The following RSL1D1 variants were observed in gnomAD, a reference collection of about 807,000 sequenced individuals.
RSL1D1 encodes the protein ribosomal L1 domain-containing protein 1.
A neutral mutation model predicts 44.6 loss-of-function variants in RSL1D1; 34 were observed. The observed-to-expected ratio is 0.76, with a 90% CI of 0.58 to 1.02. The LOEUF is 1.02. Among genes scored for constraint, RSL1D1 ranks in the 50% least tolerant of loss-of-function variants. The pLI, the probability that RSL1D1 is intolerant of heterozygous loss-of-function variation, is 0.00. For synonymous variants in RSL1D1, 271 were observed against 207.4 expected, an observed-to-expected ratio of 1.31 and a Z score of -2.63; for missense variants, 767 against 568.1, an observed-to-expected ratio of 1.35 and a Z score of -3.56.
chr16:11,842,060 G>A (rs1463584197), intron 5 of RSL1D1, 60 bp from the exon 6 acceptor site: 6 of 1,183,490 alleles, frequency 5.1e-6, no homozygotes, highest in Non-Finnish European at 7.3e-6. Context: ...AATAAACCAG[G>A]CAGGTATATG....
intron 5 of RSL1D1, among the ~76,000 whole-genome samples, chr16:11,842,677 A>G (rs185642645): frequency 6.6e-6 from 1 of 151,932 alleles, no homozygotes; most frequent in East Asian, 1.9e-4. Context: ...CCCAGCCTAA[A>G]TATGTTTTAA....
At chr16:11,846,893 G>A (rs2053802867) in intron 3 of RSL1D1, 50 bp from the exon 4 acceptor site, 5 of 1,493,230 alleles carry the variant, frequency 3.3e-6, no homozygotes, top group Non-Finnish European at 1.8e-6. Flanking sequence ...ATCTAAACAA[G>A]GAGAAGAAAT....
chr16:11,838,869 C>A (rs8053248), intron 8 of RSL1D1, among the ~76,000 whole-genome samples: 96,881 of 137,540 alleles, frequency 0.7, 34,622 homozygotes, highest in African/African-American at 0.88. Flanking sequence ...AAAAAAAAAA[C>A]AAAAAAAAAC....
intron 7 of RSL1D1, among the ~76,000 whole-genome samples, chr16:11,840,974 T>C (rs1404551550): frequency 6.6e-6 from 1 of 152,230 alleles, no homozygotes; most frequent in African/African-American, 2.4e-5. Flanking sequence ...CAATTCCTTT[T>C]ATTACTGTTT....
Position 11,837,715 on chromosome 16 carries a change from G to A in RSL1D1, c.*72C>T, listed in dbSNP as rs1045420236. On this transcript the variant is annotated 3_prime_UTR_variant, in exon 9 of 9. Coordinates refer to ENST00000571133, the MANE Select transcript of RSL1D1 (RefSeq NM_015659.3). The stretch of plus-strand genomic sequence containing the variant: ...GACGTTTAGAGAAGGTTACAAAGGC[G>A]GCCAGGATCTGAGTATTTCCAAAAA... 29 of 1,333,800 alleles carry A rather than the reference G, an allele frequency of 2.2e-5. No homozygotes were observed. The highest frequency in any genetic ancestry group is 1.3e-4 in the African/African-American group (9 of 67,648). The allele number at this position is 1,333,800 out of a possible 1,614,324, so 82.6% of individuals were successfully genotyped here. A position where few individuals can be genotyped will look rare whatever the true frequency, so the allele number is the denominator to read the frequency against.
In RSL1D1 at chr16:11,851,518, T is replaced by A; in HGVS notation, c.-6A>T. The A allele has an allele frequency of 1.2e-6, 2 of 1,613,156 alleles. No individual in the cohort carries two copies. Among genetic ancestry groups the A allele is most frequent in the Non-Finnish European group, 1.7e-6 (2 of 1,179,842 alleles). On this transcript the variant is annotated 5_prime_UTR_variant, in exon 1 of 9. Coordinates refer to ENST00000571133, the MANE Select transcript of RSL1D1 (RefSeq NM_015659.3). ...GCCGAGGCCGAATCCTCCATCTTGT[T>A]TCCACCTCGTGAAGAGGCGCGTGTG...
chr16:11,842,686 A>T (rs1334564346), intron 5 of RSL1D1, among the ~76,000 whole-genome samples: 2 of 151,998 alleles, frequency 1.3e-5, no homozygotes, highest in Admixed American at 1.3e-4. Context: ...AATATGTTTT[A>T]AAGGAAGATT....
intron 5 of RSL1D1, among the ~76,000 whole-genome samples, chr16:11,846,207 T>A (rs960165683): frequency 3.3e-5 from 5 of 151,124 alleles, no homozygotes; most frequent in East Asian, 2.0e-4. Context: ...CCTGGCTAAC[T>A]CGGTGAAACC....
rs755698397 is a variant in RSL1D1 at position 11,851,527 on chromosome 16, G to A, written c.-15C>T. ...GAATCCTCCATCTTGTTTCCACCTC[G>A]TGAAGAGGCGCGTGTGCAACCCCAC... On this transcript the variant is annotated 5_prime_UTR_variant, in exon 1 of 9. The change creates a new upstream start codon in the 5' untranslated region. Coordinates refer to ENST00000571133, the MANE Select transcript of RSL1D1 (RefSeq NM_015659.3). The A allele has an allele frequency of 1.9e-6, 3 of 1,611,566 alleles. No homozygotes were observed. The highest frequency in any genetic ancestry group is 2.2e-5 in the South Asian group (2 of 90,914).
At chr16:11,849,917 T>C (rs1355032580) in intron 2 of RSL1D1, among the ~76,000 whole-genome samples, 1 of 152,172 alleles carries the variant, frequency 6.6e-6, no homozygotes, top group Non-Finnish European at 1.5e-5. Context: ...AATGGAGACA[T>C]CTCCGCTCAC....
At position 11,837,878 on chromosome 16, in the gene RSL1D1, T is replaced by G; in HGVS notation, c.1382A>C (p.Lys461Thr). The change falls in exon 9 of 9, where the codon AAG becomes ACG. Residue 461 changes from lysine to threonine, a missense_variant. Lys to Thr is a moderately conservative substitution (Grantham distance 78). Transcript: ENST00000571133. ...AGATTTACTAGGAGTGGTGAAAAAC[T>G]TGGCCTCTGGCTTTTTTGGAGTCTG... is the stretch of plus-strand genomic sequence containing the variant. ...ARQTPKKPEAKFFTTPSKSVR... is the reference protein window; with the variant it reads ...ARQTPKKPEATFFTTPSKSVR... 1 of 1,614,134 alleles carries G rather than the reference T, an allele frequency of 6.2e-7. No homozygotes were observed. The highest frequency in any genetic ancestry group is 1.1e-5 in the South Asian group (1 of 91,088).
chr16:11,846,900 A>G (rs1348753332), intron 3 of RSL1D1, 57 bp from the exon 4 acceptor site: 3 of 1,444,436 alleles, frequency 2.1e-6, no homozygotes, highest in African/African-American at 1.4e-5. Flanking sequence ...CAAGGAGAAG[A>G]AATACTTAGG....
intron 5 of RSL1D1, among the ~76,000 whole-genome samples, chr16:11,843,673 C>G (rs2053778845): frequency 6.6e-6 from 1 of 151,664 alleles, no homozygotes; most frequent in African/African-American, 2.4e-5. Context: ...CCGAGACCAT[C>G]CTGGTTAACA....
chr16:11,839,947 T>C lies in RSL1D1; in HGVS notation c.894A>G (p.Lys298=). The change falls in exon 8 of 9, where the codon AAA becomes AAG. Residue 298 remains lysine (K), a synonymous_variant. Transcript: ENST00000571133. ...GCCTCTTCTTCTTCCTCTCCTTTTGTTTTTCAAAATTTCTTTCTCTTCGTT... is the reference window on the plus strand; with the variant it reads ...GCCTCTTCTTCTTCCTCTCCTTTTGCTTTTCAAAATTTCTTTCTCTTCGTT... ...RRKRRERNFE[K]QKERKKKRQQ... is the part of the protein sequence containing the mutation. 1 of 1,612,194 alleles carries C rather than the reference T, an allele frequency of 6.2e-7. No homozygotes were observed. Among genetic ancestry groups the C allele is most frequent in the South Asian group, 1.1e-5 (1 of 90,764 alleles).
In RSL1D1 at chr16:11,839,862, C is replaced by G; in HGVS notation, c.979G>C (p.Asp327His). ...SKDDVAPESG[D>H]TTVKKPESKK... is the part of the protein sequence containing the mutation. ...GATTCAGGTTTCTTCACTGTAGTATCACCACTTTCAGGTGCCACATCATCT... is the reference window on the plus strand; with the variant it reads ...GATTCAGGTTTCTTCACTGTAGTATGACCACTTTCAGGTGCCACATCATCT... Residue 327 changes from aspartate (D) to histidine (H), a missense_variant, in exon 8 of 9, where the codon GAT becomes CAT. Asp to His is a moderately conservative substitution (Grantham distance 81). Transcript: ENST00000571133. 6.2e-7 allele frequency: 1 copy of G among 1,614,156 alleles called. No homozygotes were observed. Among genetic ancestry groups the G allele is most frequent in the Non-Finnish European group, 8.5e-7 (1 of 1,180,034 alleles).
rs1373533690 is a variant in RSL1D1 at position 11,836,657 on chromosome 16, G to A, written c.*1130C>T. 1 of 152,214 alleles carries A rather than the reference G, an allele frequency of 6.6e-6. No homozygotes were observed. Among genetic ancestry groups the A allele is most frequent in the Non-Finnish European group, 1.5e-5 (1 of 68,038 alleles). The allele number at this position is 152,214 out of a possible 1,614,324, so 9.4% of individuals were successfully genotyped here. ...ATAAATCATGTTCTTGCCTCCGGTA[G>A]GTAGGATTCAATTTAGTCCCTGTAT... On this transcript the variant is annotated 3_prime_UTR_variant, in exon 9 of 9. Coordinates refer to ENST00000571133, the MANE Select transcript of RSL1D1 (RefSeq NM_015659.3).
At chr16:11,843,248 T>G (rs946871484) in intron 5 of RSL1D1, among the ~76,000 whole-genome samples, 3 of 151,622 alleles carry the variant, frequency 2.0e-5, no homozygotes, top group African/African-American at 7.3e-5. Flanking sequence ...TTTGTGTATT[T>G]TTAGTAGAGA....
chr16:11,846,523 T>G lies in RSL1D1; in HGVS notation c.613A>C (p.Ile205Leu), dbSNP rs1427307323. Residue 205 changes from isoleucine (I) to leucine (L), a missense_variant, in exon 5 of 9, where the codon ATT becomes CTT. Transcript: ENST00000571133. ...TACCTGCAAGAACCACTTTTAGAAA[T>G]GTTTAAGACTGTTCCACCTATACAG... ...NDCIGGTVLN[I>L]SKSGSCSAIR... The G allele has an allele frequency of 1.9e-6, 3 of 1,582,524 alleles. No homozygotes were observed. The highest frequency in any genetic ancestry group is 2.6e-6 in the Non-Finnish European group (3 of 1,166,150).
In RSL1D1 at chr16:11,837,706, T is replaced by A. The variant is rs892456482; in HGVS notation, c.*81A>T. On this transcript the variant is annotated 3_prime_UTR_variant, in exon 9 of 9. Coordinates refer to ENST00000571133, the MANE Select transcript of RSL1D1 (RefSeq NM_015659.3). ...TCCAGGCCTGACGTTTAGAGAAGGT[T>A]ACAAAGGCGGCCAGGATCTGAGTAT... The A allele has an allele frequency of 2.3e-6, 3 of 1,296,820 alleles. No individual in the cohort carries two copies. In the African/African-American group the frequency reaches 4.5e-5, roughly 19 times the overall value. The allele number at this position is 1,296,820 out of a possible 1,614,324, so 80.3% of individuals were successfully genotyped here.
Sources: allele counts gnomAD v4.1 joint callset (sites outside exome capture counted in the v4.1 genomes callset), GRCh38; gene constraint gnomAD v4.1.1; transcripts MANE v1.5; gene names NCBI Gene and HGNC (gene_info 2026-07-23, HGNC 2026-07-21).